The following PLCL2 variants were observed in gnomAD, a reference collection of about 807,000 sequenced individuals.
PLCL2 encodes the protein phospholipase C like 2.
A neutral mutation model predicts 79.6 loss-of-function variants in PLCL2; 4 were observed. That is an observed-to-expected ratio of 0.05 (90% CI 0.02 to 0.11). PLCL2 has a LOEUF of 0.11. Among genes scored for constraint, PLCL2 ranks in the 10% least tolerant of loss-of-function variants. PLCL2 has a pLI of 1.00. For synonymous variants in PLCL2, 484 were observed against 457.7 expected (o/e 1.06, Z -0.73); for missense variants, 895 against 1,291.0 (o/e 0.69, Z 4.70).
At chr3:16,966,445 T>C (rs932125620) in intron 1 of PLCL2, among the ~76,000 whole-genome samples, 21 of 152,156 alleles carry the variant, frequency 1.4e-4, no homozygotes, top group African/African-American at 4.8e-4. Flanking sequence ...GATTTTTGCA[T>C]CAATGTTCAT....
chr3:17,004,408 G>C (rs2064240113), intron 1 of PLCL2, among the ~76,000 whole-genome samples: 1 of 152,158 alleles, frequency 6.6e-6, no homozygotes, highest in Non-Finnish European at 1.5e-5. Flanking sequence ...CAGAAGAGGA[G>C]CGCCCATGGA....
intron 4 of PLCL2, among the ~76,000 whole-genome samples, chr3:17,047,890 A>G (rs2064797740): frequency 6.6e-6 from 1 of 151,946 alleles, no homozygotes; most frequent in Non-Finnish European, 1.5e-5. Context: ...TGTATTTCCA[A>G]CTGTCTGTTT....
intron 1 of PLCL2, chr3:16,932,998 G>C (rs1225982505): frequency 6.6e-6 from 1 of 152,424 alleles, no homozygotes; most frequent in East Asian, 1.9e-4. Flanking sequence ...CTTGGCTGTA[G>C]AAATTCGTAG....
chr3:16,937,954 G>A (rs1286976660), intron 1 of PLCL2, among the ~76,000 whole-genome samples: 1 of 152,142 alleles, frequency 6.6e-6, no homozygotes. Context: ...ATTACCTTAT[G>A]AAAAGTTGGT....
At chr3:17,033,622 A>G (rs1193599436) in intron 3 of PLCL2, among the ~76,000 whole-genome samples, 2 of 152,162 alleles carry the variant, frequency 1.3e-5, no homozygotes, top group Admixed American at 6.6e-5. Context: ...AACATCCACC[A>G]TATTCTTCAA....
intron 1 of PLCL2, among the ~76,000 whole-genome samples, chr3:16,968,557 T>C (rs913748817): frequency 3.3e-5 from 5 of 152,162 alleles, no homozygotes; most frequent in African/African-American, 1.2e-4. Context: ...GTATTCTTGA[T>C]TTGGCTCTTA....
At chr3:17,064,817 T>C (rs916812671) in intron 4 of PLCL2, among the ~76,000 whole-genome samples, 8 of 150,848 alleles carry the variant, frequency 5.3e-5, no homozygotes, top group African/African-American at 2.0e-4. Flanking sequence ...TAATCCCAGC[T>C]ACTTGGGAGG....
chr3:17,039,379 G>A (rs2124917336), intron 3 of PLCL2, among the ~76,000 whole-genome samples: 1 of 152,332 alleles, frequency 6.6e-6, no homozygotes, highest in East Asian at 1.9e-4. Flanking sequence ...ACCTGGTGTT[G>A]CTATAGGAGC....
At chr3:17,089,653 C>A in intron 5 of PLCL2, 80 bp from the exon 6 acceptor site, 1 of 826,838 alleles carries the variant, frequency 1.2e-6, no homozygotes, top group Non-Finnish European at 1.9e-6. Flanking sequence ...ACTTCTATTT[C>A]AGTGAAAGAT....
chr3:17,052,258 G>GT (rs1204704262), intron 4 of PLCL2, among the ~76,000 whole-genome samples: 10 of 148,216 alleles, frequency 6.7e-5, no homozygotes, highest in Non-Finnish European at 1.5e-4. Context: ...AAAAAATTGG[G>GT]GGGGGGTGAA....
rs571332049 is a variant in PLCL2 at position 16,990,141 on chromosome 3, C to T, written c.328-19533C>T. ...ATGACGATGATGGTGATGATGATAG[C>T]AGTAGTAATGTCAACCACATTAATT... On this transcript the variant is annotated intron_variant, in intron 1 of 5. Transcript: ENST00000615277. Among the ~76,000 whole-genome samples, 78 of 147,578 alleles carry T rather than the reference C, an allele frequency of 5.3e-4. 1 individual carries two copies. The South Asian group carries it at 0.015, about 28-fold the overall frequency.
intron 1 of PLCL2, among the ~76,000 whole-genome samples, chr3:16,908,607 G>C (rs933956214): frequency 6.6e-6 from 1 of 152,108 alleles, no homozygotes; most frequent in Non-Finnish European, 1.5e-5. Context: ...CCACTGCTTG[G>C]GGGAGGTGGT....
chr3:17,068,080 G>C lies in PLCL2; in HGVS notation c.3204+15G>C. On this transcript the variant is annotated intron_variant, in intron 5 of 5. Coordinates refer to ENST00000615277, the MANE Select transcript of PLCL2 (RefSeq NM_001144382.2). ...CCATCTTAAAGGTATCTATAGAGTTGTTTCTGATGCTGGTGATTTTGCAGC... is the reference window on the plus strand; with the variant it reads ...CCATCTTAAAGGTATCTATAGAGTTCTTTCTGATGCTGGTGATTTTGCAGC... 1.4e-6 allele frequency: 2 copies of C among 1,409,238 alleles called. No individual in the cohort carries two copies. Among genetic ancestry groups the C allele is most frequent in the Non-Finnish European group, 2.0e-6 (2 of 999,284 alleles). The allele number at this position is 1,409,238 out of a possible 1,614,324, so 87.3% of individuals were successfully genotyped here.
chr3:16,973,502 A>T (rs1286658539), intron 1 of PLCL2, among the ~76,000 whole-genome samples: 1 of 152,084 alleles, frequency 6.6e-6, no homozygotes, highest in East Asian at 1.9e-4. Context: ...TAAACTACAT[A>T]AATTGCTAGA....
intron 1 of PLCL2, among the ~76,000 whole-genome samples, chr3:16,899,344 C>T (rs1019660376): frequency 6.6e-6 from 1 of 152,232 alleles, no homozygotes; most frequent in Non-Finnish European, 1.5e-5. Flanking sequence ...GGCTTTTCTG[C>T]TGTATCTAAA....
At chr3:17,051,080 A>G (rs2064833924) in intron 4 of PLCL2, among the ~76,000 whole-genome samples, 1 of 152,138 alleles carries the variant, frequency 6.6e-6, no homozygotes, top group African/African-American at 2.4e-5. Context: ...TATTTTTGGA[A>G]TCTAAAAATC....
chr3:16,929,018 G>T (rs1460443372), intron 1 of PLCL2, among the ~76,000 whole-genome samples: 3 of 152,150 alleles, frequency 2.0e-5, no homozygotes, highest in African/African-American at 4.8e-5. Context: ...GGGCAGGGGG[G>T]TGGTGGTGAT....
intron 3 of PLCL2, among the ~76,000 whole-genome samples, chr3:17,021,725 G>A (rs2064457438): frequency 6.6e-6 from 1 of 152,062 alleles, no homozygotes; most frequent in Non-Finnish European, 1.5e-5. Context: ...GCATCACAGA[G>A]CAGCTTTTAT....
intron 3 of PLCL2, among the ~76,000 whole-genome samples, chr3:17,030,987 T>TTAG (rs34800361): frequency 0.18 from 27,654 of 152,004 alleles, 3,035 homozygotes; most frequent in East Asian, 0.54. Flanking sequence ...TTTAATTAAT[T>TTAG]TAGTAATAGT....
Sources: gnomAD v4.1 joint callset for allele counts (sites outside exome capture counted in the v4.1 genomes callset) on GRCh38, gnomAD v4.1.1 for gene constraint, MANE v1.5 for transcripts, NCBI Gene and HGNC (gene_info 2026-07-23, HGNC 2026-07-21) for gene names.